NCOA7: variants seen among roughly 807,000 people sequenced by gnomAD.
NCOA7 encodes 140 kDa estrogen receptor-associated protein.
In NCOA7, 45 loss-of-function variants were observed where a neutral mutation model predicts 104.3. That is an observed-to-expected ratio of 0.43 (90% confidence interval 0.34 to 0.55). The LOEUF (loss-of-function observed/expected upper bound fraction) is 0.55, where lower values mean the gene tolerates loss of function less well. NCOA7 is among the 20% of genes least tolerant of loss of function. NCOA7 has a pLI of 0.02. For missense variants in NCOA7, 1,041 were observed against 1,119.7 expected, an observed-to-expected ratio of 0.93 and a Z score of 1.00; for synonymous variants, 398 against 402.3, an observed-to-expected ratio of 0.99 and a Z score of 0.13.
chr6:125,826,967 G>A (rs1381393493), intron 2 of NCOA7, among the ~76,000 whole-genome samples: 1 of 152,034 alleles, frequency 6.6e-6, no homozygotes, highest in African/African-American at 2.4e-5. Context: ...GGAGTCTCAG[G>A]CGGGCGGATC....
At chr6:125,860,728 A>G (rs1781975559) in intron 3 of NCOA7, among the ~76,000 whole-genome samples, 1 of 152,244 alleles carries the variant, frequency 6.6e-6, no homozygotes, top group African/African-American at 2.4e-5. Context: ...ATATGGAGAT[A>G]GAAATGGAAA....
chr6:125,810,176 A>G (rs1161797768), intron 1 of NCOA7: 1 of 152,194 alleles, frequency 6.6e-6, no homozygotes, highest in Non-Finnish European at 1.5e-5. Flanking sequence ...CCACTGGGAC[A>G]GGGAGGTCAT....
At chr6:125,856,462 C>T (rs1235260584) in intron 3 of NCOA7, among the ~76,000 whole-genome samples, 1 of 152,120 alleles carries the variant, frequency 6.6e-6, no homozygotes, top group African/African-American at 2.4e-5. Flanking sequence ...ACACCATCCT[C>T]CTGCCTCAGC....
chr6:125,922,445 C>G (rs11154337), intron 12 of NCOA7, among the ~76,000 whole-genome samples: 76,046 of 152,066 alleles, frequency 0.5, 19,280 homozygotes, highest in Admixed American at 0.61. Flanking sequence ...AGGATAGGGA[C>G]TCCATAGTCA....
chr6:125,823,979 AT>A (rs879770239), intron 2 of NCOA7, among the ~76,000 whole-genome samples: 1 of 152,040 alleles, frequency 6.6e-6, no homozygotes, highest in Non-Finnish European at 1.5e-5. Context: ...CACAGTTTAA[AT>A]TTTTTTTATT....
At chr6:125,927,257 G>A (rs544771244) in intron 13 of NCOA7, among the ~76,000 whole-genome samples, 42 of 152,312 alleles carry the variant, frequency 2.8e-4, no homozygotes, top group African/African-American at 1.0e-3. Flanking sequence ...CATAAGAGAT[G>A]TGACTGTGTT....
At chr6:125,853,779 G>T (rs1165241273) in intron 2 of NCOA7, among the ~76,000 whole-genome samples, 1 of 152,128 alleles carries the variant, frequency 6.6e-6, no homozygotes, top group Non-Finnish European at 1.5e-5. Flanking sequence ...AAAAGATCCT[G>T]TTAGAGACCT....
chr6:125,898,934 GAACT>G (rs1166494573), intron 10 of NCOA7, among the ~76,000 whole-genome samples: 1 of 152,028 alleles, frequency 6.6e-6, no homozygotes, highest in African/African-American at 2.4e-5. Context: ...TTGTTACAGA[GAACT>G]AACTACAATT....
chr6:125,842,748 C>G lies in NCOA7; in HGVS notation c.51-12272C>G, dbSNP rs571563969. Among the ~76,000 whole-genome samples the G allele has an allele frequency of 4.5e-4, 69 of 152,252 alleles. No individual in the cohort carries two copies. The South Asian group carries it at 0.014, about 31-fold the overall frequency. On this transcript the variant is annotated intron_variant, in intron 2 of 15. Coordinates refer to ENST00000392477, the MANE Select transcript of NCOA7 (RefSeq NM_181782.5). ...CTGTTAAAATTTTCCTTCTAATACT[C>G]CCACTTCCAAGAGGCTGTTTTGAAG...
intron 3 of NCOA7, among the ~76,000 whole-genome samples, chr6:125,874,453 T>C (rs971204617): frequency 6.6e-6 from 1 of 152,256 alleles, no homozygotes; most frequent in Admixed American, 6.5e-5. Flanking sequence ...TTTTTCTTCT[T>C]TTGAATTTGT....
chr6:125,781,284 T>G (rs1374181981), exon 1 of NCOA7: 1 of 152,228 alleles, frequency 6.6e-6, no homozygotes, highest in African/African-American at 2.4e-5. Flanking sequence ...GGAAGGAAGC[T>G]TAAGTAAGAC....
chr6:125,905,825 G>C (rs563032113), intron 10 of NCOA7, among the ~76,000 whole-genome samples: 27 of 151,584 alleles, frequency 1.8e-4, no homozygotes, highest in African/African-American at 6.5e-4. Context: ...TTTGGAGACA[G>C]AGTCTTGCTT....
intron 10 of NCOA7, among the ~76,000 whole-genome samples, chr6:125,896,803 A>G (rs1200524359): frequency 6.6e-6 from 1 of 152,218 alleles, no homozygotes; most frequent in Non-Finnish European, 1.5e-5. Context: ...AAAAATAAAA[A>G]TAAAAAGATT....
In NCOA7 at chr6:125,931,824, C is replaced by T. The variant is rs546995018; in HGVS notation, c.*3053C>T. 2.0e-5 allele frequency: 3 copies of T among 152,212 alleles called. No homozygotes were observed. Among genetic ancestry groups the T allele is most frequent in the East Asian group, 1.9e-4 (1 of 5,178 alleles). The allele number at this position is 152,212 out of a possible 1,614,324, so 9.4% of individuals were successfully genotyped here. ...GTGGGATGTGATTAGAACATGGGGG[C>T]GGTTTCCCCCATGCTGTTCTCATGA... On this transcript the variant is annotated 3_prime_UTR_variant, in exon 16 of 16. Transcript: ENST00000392477.
In NCOA7 at chr6:125,883,841, T is replaced by TC. The variant is rs1205494182; in HGVS notation, c.699+1292dup. On this transcript the variant is annotated intron_variant, in intron 7 of 15. Coordinates refer to ENST00000392477, the MANE Select transcript of NCOA7 (RefSeq NM_181782.5). The stretch of plus-strand genomic sequence containing the variant: ...TTCAAGCGATTCCCCTGTCTCAGCC[T>TC]CCTGAGTAGCTGGGACTACAGGTGT... 2.7e-5 allele frequency among the ~76,000 whole-genome samples: 4 copies of TC among 150,610 alleles called. No homozygotes were observed. The Admixed American group carries it at 2.7e-4, about 10-fold the overall frequency.
At chr6:125,845,682 G>C (rs187861240) in intron 2 of NCOA7, among the ~76,000 whole-genome samples, 2 of 152,126 alleles carry the variant, frequency 1.3e-5, no homozygotes. Context: ...CAGGAGAATC[G>C]TGTGAACCAG....
At chr6:125,785,949 C>T (rs1024123813) in intron 1 of NCOA7, among the ~76,000 whole-genome samples, 6 of 152,192 alleles carry the variant, frequency 3.9e-5, no homozygotes, top group Non-Finnish European at 5.9e-5. Context: ...TGATTTCTAA[C>T]TCCTCTTCAG....
chr6:125,898,489 CAACAA>C (rs1785229319), intron 10 of NCOA7, among the ~76,000 whole-genome samples: 1 of 152,200 alleles, frequency 6.6e-6, no homozygotes, highest in Non-Finnish European at 1.5e-5. Flanking sequence ...GCAGATTGGG[CAACAA>C]ATTGATGCCC....
chr6:125,923,764 T>G (rs920685756), intron 13 of NCOA7, among the ~76,000 whole-genome samples: 1 of 152,200 alleles, frequency 6.6e-6, no homozygotes, highest in Non-Finnish European at 1.5e-5. Flanking sequence ...GGGAGCTTAC[T>G]GTGAAGCACA....
Sources: gnomAD v4.1 joint callset for allele counts (sites outside exome capture counted in the v4.1 genomes callset) on GRCh38, gnomAD v4.1.1 for gene constraint, MANE v1.5 for transcripts, NCBI Gene and HGNC (gene_info 2026-07-23, HGNC 2026-07-21) for gene names.